Variants in COL12A1 observed in about 807,000 individuals in gnomAD.
The protein encoded by COL12A1 is collagen alpha-1(XII) chain.
COL12A1 carries 114 observed loss-of-function variants against 349.7 expected under a neutral mutation model. The ratio of observed to expected loss-of-function variants is 0.33; its 90% CI spans 0.28 to 0.38. The LOEUF (loss-of-function observed/expected upper bound fraction) is 0.38, where lower values mean the gene tolerates loss of function less well. Among genes scored for constraint, COL12A1 ranks in the 10% least tolerant of loss-of-function variants. COL12A1 has a pLI of 1.00. For synonymous variants in COL12A1, 1,369 were observed against 1,329.0 expected (o/e 1.03, Z -0.66); for missense variants, 3,284 against 3,756.9 (o/e 0.87, Z 3.29).
Position 75,192,240 on chromosome 6 carries a change from T to C in COL12A1, c.306A>G (p.Glu102=), listed in dbSNP as rs781006950. ...TTAGTTGTCCTATAACTGGTACACT[T>C]TCTTCTACTTCATCATATGAAGTTA... The part of the protein sequence containing the change: ...VTITSYDEVE[E]SVPVIGQLTI... Residue 102 remains glutamate, a synonymous_variant, in exon 4 of 66, where the codon GAA becomes GAG. Coordinates refer to ENST00000322507, the MANE Select transcript of COL12A1 (RefSeq NM_004370.6). 1 of 1,605,942 alleles carries C rather than the reference T, an allele frequency of 6.2e-7. No homozygotes were observed. Among genetic ancestry groups the C allele is most frequent in the African/African-American group, 1.3e-5 (1 of 74,722 alleles).
rs141033527 is a variant in COL12A1 at position 75,143,535 on chromosome 6, A to G, written c.4691-147T>C. 1,706 of 811,948 alleles carry G rather than the reference A, an allele frequency of 2.1e-3. 3 individuals carry two copies. The highest frequency in any genetic ancestry group is 2.9e-3 in the Non-Finnish European group (1,516 of 530,468). 50.3% of individuals were successfully genotyped at this position (811,948 alleles called of 1,614,324 possible). ...AAAAAATGATTATGATGATAAAAGTACCATGATTCTACCAGATAGACTGAA... is the reference window on the plus strand; with the variant it reads ...AAAAAATGATTATGATGATAAAAGTGCCATGATTCTACCAGATAGACTGAA... On this transcript the variant is annotated intron_variant, in intron 25 of 65. Coordinates refer to ENST00000322507, the MANE Select transcript of COL12A1 (RefSeq NM_004370.6).
chr6:75,166,335 G>A (rs144448536), intron 13 of COL12A1, among the ~76,000 whole-genome samples: 73 of 152,264 alleles, frequency 4.8e-4, no homozygotes, highest in East Asian at 2.3e-3. Flanking sequence ...AGTTTAAAAC[G>A]TAGCAGTGCA....
At chr6:75,201,641 A>C (rs1456607482) in intron 2 of COL12A1, among the ~76,000 whole-genome samples, 1 of 151,976 alleles carries the variant, frequency 6.6e-6, no homozygotes, top group East Asian at 1.9e-4. Flanking sequence ...AAAAAAAAAA[A>C]GATATCTTTC....
chr6:75,147,654 C>A, intron 23 of COL12A1, 21 bp downstream of exon 23: 1 of 1,574,398 alleles, frequency 6.4e-7, no homozygotes, highest in Admixed American at 1.9e-5. Flanking sequence ...CAATGAGAAA[C>A]AATTTTTTAA....
chr6:75,171,737 A>G (rs1355360836), intron 13 of COL12A1, among the ~76,000 whole-genome samples: 1 of 152,194 alleles, frequency 6.6e-6, no homozygotes, highest in African/African-American at 2.4e-5. Context: ...ATCATATCCT[A>G]TTCCTGTATA....
intron 2 of COL12A1, among the ~76,000 whole-genome samples, chr6:75,200,543 A>C (rs1375958080): frequency 6.6e-6 from 1 of 152,220 alleles, no homozygotes; most frequent in Admixed American, 6.5e-5. Context: ...ACTACACTCC[A>C]GCCTGGGCAA....
intron 26 of COL12A1, among the ~76,000 whole-genome samples, chr6:75,142,657 A>G (rs929926318): frequency 1.3e-5 from 2 of 152,208 alleles, no homozygotes; most frequent in Admixed American, 1.3e-4. Context: ...AATGACTCCT[A>G]TGTTCCAAAA....
chr6:75,144,671 C>T (rs1161573722), intron 25 of COL12A1, among the ~76,000 whole-genome samples: 1 of 152,172 alleles, frequency 6.6e-6, no homozygotes, highest in Non-Finnish European at 1.5e-5. Context: ...GTCAGAAGTA[C>T]ACAAAAGGCT....
chr6:75,184,202 G>A (rs1319635645), intron 8 of COL12A1, 58 bp from the exon 9 acceptor site: 2 of 1,538,868 alleles, frequency 1.3e-6, no homozygotes, highest in East Asian at 4.6e-5. Flanking sequence ...TTACTAATTT[G>A]GTCTTTAGGT....
intron 55 of COL12A1, among the ~76,000 whole-genome samples, chr6:75,103,533 T>C (rs1298376595): frequency 6.6e-6 from 1 of 152,194 alleles, no homozygotes; most frequent in Non-Finnish European, 1.5e-5. Context: ...AGCTTCCCCA[T>C]GTGTAATTGT....
intron 27 of COL12A1, among the ~76,000 whole-genome samples, chr6:75,140,655 C>CAAAAA (rs1236499281): frequency 0.018 from 821 of 46,084 alleles, 57 homozygotes; most frequent in African/African-American, 0.07. Context: ...GACTCTGTCT[C>CAAAAA]AAAAAAAAAA....
intron 39 of COL12A1, 68 bp from the exon 40 acceptor site, chr6:75,125,341 AAG>A: frequency 6.9e-7 from 1 of 1,443,592 alleles, no homozygotes; most frequent in South Asian, 1.5e-5. Flanking sequence ...CTTAAAATTA[AAG>A]ATCTTATAGT....
intron 2 of COL12A1, among the ~76,000 whole-genome samples, chr6:75,200,824 C>A (rs1306999038): frequency 2.0e-5 from 3 of 151,496 alleles, no homozygotes; most frequent in African/African-American, 7.3e-5. Context: ...TGGCTCATAC[C>A]ATATTTCTAT....
intron 34 of COL12A1, 75 bp from the exon 35 acceptor site, chr6:75,132,157 A>G: frequency 6.6e-7 from 1 of 1,521,272 alleles, no homozygotes; most frequent in Non-Finnish European, 9.0e-7. Context: ...CTTTTCCAGA[A>G]CCTACATTCT....
Position 75,101,584 on chromosome 6 carries a change from G to C in COL12A1, c.8523+16C>G. ...ATCATTTCCAACATCATTGTAGCCT[G>C]CTCAAGAAAACTTACTCTGTCTCCT... is the stretch of plus-strand genomic sequence containing the variant. On this transcript the variant is annotated intron_variant, in intron 58 of 65. Transcript: ENST00000322507. 1 of 1,611,352 alleles carries C rather than the reference G, an allele frequency of 6.2e-7. No homozygotes were observed. The highest frequency in any genetic ancestry group is 1.7e-5 in the Admixed American group (1 of 59,536).
chr6:75,148,328 A>C (rs1767304724), intron 22 of COL12A1, 30 bp downstream of exon 22: 1 of 1,597,818 alleles, frequency 6.3e-7, no homozygotes. Flanking sequence ...CAACATCAGG[A>C]AGAAGTAAGT....
intron 21 of COL12A1, 69 bp from the exon 22 acceptor site, chr6:75,148,566 A>G (rs1395927609): frequency 2.2e-6 from 3 of 1,343,856 alleles, no homozygotes; most frequent in Admixed American, 1.8e-5. Context: ...TTGAAATGAC[A>G]TTGAAACAAT....
At chr6:75,175,455 A>C in intron 12 of COL12A1, 145 bp from the exon 13 acceptor site, 3 of 915,488 alleles carry the variant, frequency 3.3e-6, no homozygotes, top group African/African-American at 1.7e-5. Context: ...TTGACCAGCC[A>C]ACAAAGCTTA....
In COL12A1 at chr6:75,134,839, C is replaced by A; in HGVS notation, c.5411G>T (p.Arg1804Leu). The change falls in exon 32 of 66, where the codon CGG (arginine) becomes CTG (leucine). Residue 1804 changes from arginine to leucine, a missense_variant. Physicochemically the swap from Arg to Leu is moderately radical, Grantham distance 102. Around this residue, in one of 2 missense-constraint regions of COL12A1, gnomAD observed 2,601 missense variants for 2,824.8 expected, o/e 0.92. Coordinates refer to ENST00000322507, the MANE Select transcript of COL12A1 (RefSeq NM_004370.6). ...GNEQTTTIGG[R>L]QNSVVLQKLK... ...TTTCTGCAGGACCACACTGTTCTGC[C>A]GTCCTCCTATTGTGGTCTTGAGTAA... 6.2e-7 allele frequency: 1 copy of A among 1,611,132 alleles called. No individual in the cohort carries two copies. Among genetic ancestry groups the A allele is most frequent in the Non-Finnish European group, 8.5e-7 (1 of 1,178,088 alleles).
Sources: allele counts gnomAD v4.1 joint callset (sites outside exome capture counted in the v4.1 genomes callset), GRCh38; gene constraint gnomAD v4.1.1; regional missense constraint gnomAD v4.1.1; transcripts MANE v1.5; gene names NCBI Gene and HGNC (gene_info 2026-07-23, HGNC 2026-07-21).